GRID2: variants seen among roughly 807,000 people sequenced by gnomAD.
GRID2 encodes the protein glutamate receptor ionotropic, delta-2.
In GRID2, 33 loss-of-function variants were observed where a neutral mutation model predicts 114.8. The observed-to-expected ratio is 0.29, with a 90% CI of 0.22 to 0.38. GRID2 has a LOEUF of 0.38. Among genes scored for constraint, GRID2 ranks in the 10% least tolerant of loss-of-function variants. The pLI, the probability that GRID2 is intolerant of heterozygous loss-of-function variation, is 1.00. For synonymous variants in GRID2, 505 were observed against 449.9 expected (o/e 1.12, Z -1.55); for missense variants, 1,184 against 1,257.7 (o/e 0.94, Z 0.89).
At chr4:92,629,794 G>C (rs1490103762) in intron 2 of GRID2, among the ~76,000 whole-genome samples, 1 of 124,130 alleles carries the variant, frequency 8.1e-6, no homozygotes, top group East Asian at 2.3e-4. Context: ...TTTTTTTCTT[G>C]TTCTTTACTG....
chr4:93,657,649 C>CA (rs888210536), intron 14 of GRID2, among the ~76,000 whole-genome samples: 2 of 151,752 alleles, frequency 1.3e-5, no homozygotes, highest in South Asian at 2.1e-4. Flanking sequence ...AAAAAAAAAA[C>CA]AAAAAACTGA....
intron 8 of GRID2, chr4:93,318,818 T>G (rs1288543714): frequency 6.6e-6 from 1 of 152,174 alleles, no homozygotes; most frequent in African/African-American, 2.4e-5. Context: ...GGGCAAGGCA[T>G]GGCTGGAGTC....
rs1223931907 is a variant in GRID2, at chr4:93,686,444, G to A, written c.2360+60009G>A. Among the ~76,000 whole-genome samples the A allele has an allele frequency of 2.0e-5, 3 of 151,672 alleles. No individual in the cohort carries two copies. The South Asian group carries it at 6.2e-4, about 31-fold the overall frequency. On this transcript the variant is annotated intron_variant, in intron 14 of 15. Coordinates refer to ENST00000282020, the MANE Select transcript of GRID2 (RefSeq NM_001510.4). ...TCAGCAAATGTTCATCAGCTACTAT[G>A]TGCCAGATATTGCTTACAGGCTTAA... is the stretch of plus-strand genomic sequence containing the variant.
intron 9 of GRID2, among the ~76,000 whole-genome samples, chr4:93,411,966 AAAAC>A (rs779169964): frequency 4.1e-4 from 63 of 152,142 alleles, no homozygotes; most frequent in Non-Finnish European, 7.6e-4. Context: ...AAAAAAGAAA[AAAAC>A]AAACCAATCC....
intron 2 of GRID2, among the ~76,000 whole-genome samples, chr4:92,681,222 C>A (rs1468427506): frequency 6.6e-6 from 1 of 152,138 alleles, no homozygotes; most frequent in African/African-American, 2.4e-5. Flanking sequence ...GGGAACACAT[C>A]AGTGATTGCC....
intron 2 of GRID2, chr4:92,702,338 TAAC>T (rs2149302237): frequency 6.6e-6 from 1 of 152,306 alleles, no homozygotes; most frequent in Non-Finnish European, 1.5e-5. Flanking sequence ...TGAATCTTCT[TAAC>T]AACATGCCTA....
chr4:92,793,027 T>A (rs1208169289), intron 2 of GRID2, among the ~76,000 whole-genome samples: 1 of 151,648 alleles, frequency 6.6e-6, no homozygotes, highest in Non-Finnish European at 1.5e-5. Flanking sequence ...ATCATAACAT[T>A]TTGCGTAAAG....
At chr4:93,319,799 C>T (rs1757030861) in intron 8 of GRID2, 2 of 152,080 alleles carry the variant, frequency 1.3e-5, no homozygotes, top group Middle Eastern at 3.2e-3. Flanking sequence ...TGGCCTCAGT[C>T]CTACAACTGA....
chr4:92,410,477 A>G lies in GRID2; in HGVS notation c.88+105733A>G, dbSNP rs527769494. Among the ~76,000 whole-genome samples the G allele has an allele frequency of 4.6e-5, 7 of 152,330 alleles. No individual in the cohort carries two copies. In the South Asian group the frequency reaches 1.4e-3, roughly 32 times the overall value. ...GTATGCAGTGAATCCTCCAGATACC[A>G]TTCTGTGCATTGGCAAGATAAGATT... is the stretch of plus-strand genomic sequence containing the variant. On this transcript the variant is annotated intron_variant, in intron 1 of 15. Coordinates refer to ENST00000282020, the MANE Select transcript of GRID2 (RefSeq NM_001510.4).
At chr4:93,398,137 A>T (rs373157593) in intron 9 of GRID2, among the ~76,000 whole-genome samples, 1 of 104,230 alleles carries the variant, frequency 9.6e-6, no homozygotes, top group South Asian at 2.7e-4. Context: ...GTGTGTGTAT[A>T]TATATATATA....
chr4:93,490,082 A>G (rs1726833405), intron 11 of GRID2, among the ~76,000 whole-genome samples: 1 of 151,914 alleles, frequency 6.6e-6, no homozygotes, highest in Non-Finnish European at 1.5e-5. Context: ...CATTTAAAAG[A>G]TGGAGAAGAG....
chr4:93,616,282 G>A (rs149432572), intron 13 of GRID2, among the ~76,000 whole-genome samples: 7 of 151,970 alleles, frequency 4.6e-5, no homozygotes, highest in East Asian at 3.9e-4. Flanking sequence ...AGTGGCTCTC[G>A]CCTATAATTT....
intron 1 of GRID2, among the ~76,000 whole-genome samples, chr4:92,506,567 G>T (rs1178900577): frequency 6.6e-6 from 1 of 151,800 alleles, no homozygotes; most frequent in Non-Finnish European, 1.5e-5. Context: ...ACTGAATCTT[G>T]TTGAATGTCT....
chr4:93,347,373 A>G, intron 8 of GRID2, among the ~76,000 whole-genome samples: 1 of 152,108 alleles, frequency 6.6e-6, no homozygotes, highest in East Asian at 1.9e-4. Flanking sequence ...GTACATCAAA[A>G]CATAATTTTA....
At chr4:93,224,093 C>CATT (rs1174509008) in intron 6 of GRID2, among the ~76,000 whole-genome samples, 1 of 152,092 alleles carries the variant, frequency 6.6e-6, no homozygotes, top group Non-Finnish European at 1.5e-5. Context: ...TGTGTTCTTT[C>CATT]ATTATTTCAT....
intron 1 of GRID2, among the ~76,000 whole-genome samples, chr4:92,509,284 G>A (rs921225618): frequency 1.3e-5 from 2 of 151,850 alleles, no homozygotes; most frequent in Non-Finnish European, 2.9e-5. Flanking sequence ...ACTCAGTGAA[G>A]GCAGGGCTCT....
chr4:92,692,084 A>G (rs1056031820), intron 2 of GRID2, among the ~76,000 whole-genome samples: 3 of 152,174 alleles, frequency 2.0e-5, no homozygotes, highest in Non-Finnish European at 4.4e-5. Flanking sequence ...CAATTTTAAT[A>G]TATTAGAGCC....
At chr4:93,181,129 C>G (rs1036045589) in intron 4 of GRID2, among the ~76,000 whole-genome samples, 4 of 152,098 alleles carry the variant, frequency 2.6e-5, no homozygotes, top group African/African-American at 9.7e-5. Flanking sequence ...GTTAAAATTA[C>G]CCCTTGATCT....
chr4:92,606,461 T>C (rs1188464697), intron 2 of GRID2, among the ~76,000 whole-genome samples: 1 of 151,972 alleles, frequency 6.6e-6, no homozygotes, highest in Admixed American at 6.6e-5. Context: ...CATGTTTCAG[T>C]GAGAGGAAGA....
Sources: allele counts gnomAD v4.1 joint callset (sites outside exome capture counted in the v4.1 genomes callset), GRCh38; gene constraint gnomAD v4.1.1; transcripts MANE v1.5; gene names NCBI Gene and HGNC (gene_info 2026-07-23, HGNC 2026-07-21).